Variants in GPC5 observed in about 807,000 individuals in gnomAD.
GPC5 encodes the protein glypican-5.
GPC5 carries 47 observed loss-of-function variants against 53.9 expected under a neutral mutation model. That is an observed-to-expected ratio of 0.87 (90% CI 0.69 to 1.11). The LOEUF (loss-of-function observed/expected upper bound fraction) is 1.11, where lower values mean the gene tolerates loss of function less well. Among genes scored for constraint, GPC5 ranks in the 50% most tolerant of loss-of-function variants. GPC5 has a pLI of 0.00. For synonymous variants in GPC5, 286 were observed against 263.3 expected, an observed-to-expected ratio of 1.09 and a Z score of -0.84; for missense variants, 748 against 713.1, an observed-to-expected ratio of 1.05 and a Z score of -0.56.
chr13:92,230,696 T>C (rs1430133304), intron 7 of GPC5, among the ~76,000 whole-genome samples: 2 of 152,076 alleles, frequency 1.3e-5, no homozygotes, highest in Non-Finnish European at 2.9e-5. Context: ...TAATCAGAAA[T>C]AGATTTAAAA....
chr13:92,495,838 G>A (rs1445302463), intron 7 of GPC5, among the ~76,000 whole-genome samples: 2 of 151,818 alleles, frequency 1.3e-5, no homozygotes, highest in African/African-American at 4.8e-5. Flanking sequence ...GTAAACCCCA[G>A]CCTCTCATTT....
chr13:92,796,818 T>C (rs1258759814), intron 7 of GPC5, among the ~76,000 whole-genome samples: 2 of 152,020 alleles, frequency 1.3e-5, no homozygotes, highest in African/African-American at 4.8e-5. Flanking sequence ...TTAAATATGT[T>C]GGTTTTCTTT....
At chr13:92,156,366 A>G (rs1001371976) in intron 7 of GPC5, among the ~76,000 whole-genome samples, 1 of 152,170 alleles carries the variant, frequency 6.6e-6, no homozygotes, top group Non-Finnish European at 1.5e-5. Flanking sequence ...GTGTGGGCAT[A>G]AATGTTCACA....
chr13:91,763,984 G>A (rs1341955965), intron 5 of GPC5, among the ~76,000 whole-genome samples: 1 of 152,140 alleles, frequency 6.6e-6, no homozygotes, highest in Admixed American at 6.6e-5. Flanking sequence ...TAAATGCTGT[G>A]TAAATAGTTG....
intron 7 of GPC5, among the ~76,000 whole-genome samples, chr13:92,458,302 T>TG (rs558814404): frequency 0.059 from 5,681 of 96,450 alleles, 120 homozygotes; most frequent in Middle Eastern, 0.14. Context: ...TATTCTTTTT[T>TG]TGGGGGGGGC....
At chr13:91,813,706 C>T (rs935513618) in intron 5 of GPC5, among the ~76,000 whole-genome samples, 1 of 152,038 alleles carries the variant, frequency 6.6e-6, no homozygotes, top group African/African-American at 2.4e-5. Context: ...AAATTTCTCC[C>T]AGTATCTACT....
chr13:91,498,567 T>A (rs543065975), intron 2 of GPC5, among the ~76,000 whole-genome samples: 1 of 152,152 alleles, frequency 6.6e-6, no homozygotes, highest in Admixed American at 6.5e-5. Context: ...AGAAATGTAG[T>A]AGGTTGGGGA....
intron 7 of GPC5, among the ~76,000 whole-genome samples, chr13:92,701,690 T>C (rs1192268493): frequency 1.3e-5 from 2 of 151,950 alleles, no homozygotes. Flanking sequence ...GCAATATCTA[T>C]AGAGGCCATT....
chr13:92,163,663 A>C (rs1055370910), intron 7 of GPC5, among the ~76,000 whole-genome samples: 2 of 152,182 alleles, frequency 1.3e-5, no homozygotes, highest in Admixed American at 6.5e-5. Flanking sequence ...TACTGTTCCT[A>C]GATGTAGCTT....
rs536661112 is a variant in GPC5, at chr13:92,414,077, A to G, written c.1561+269088A>G. On this transcript the variant is annotated intron_variant, in intron 7 of 7. Transcript: ENST00000377067. ...TTCATTAATTCAAAAATATTTCTTG[A>G]GTGCTTTTTATTAGGTCAGATGCTT... Among the ~76,000 whole-genome samples, 11 of 152,266 alleles carry G rather than the reference A, an allele frequency of 7.2e-5. No individual in the cohort carries two copies. The East Asian group carries it at 2.1e-3, about 29-fold the overall frequency.
At chr13:92,654,197 A>C in intron 7 of GPC5, among the ~76,000 whole-genome samples, 1 of 152,220 alleles carries the variant, frequency 6.6e-6, no homozygotes, top group East Asian at 1.9e-4. Flanking sequence ...GAATACCCTT[A>C]AAATGTTTAA....
At chr13:91,953,379 C>G (rs538568637) in intron 6 of GPC5, among the ~76,000 whole-genome samples, 6 of 152,182 alleles carry the variant, frequency 3.9e-5, no homozygotes, top group African/African-American at 1.4e-4. Context: ...TAAACTGATT[C>G]TTGCTGTGGG....
chr13:92,862,618 T>TAGAC (rs779072093), intron 7 of GPC5, among the ~76,000 whole-genome samples: 2 of 139,776 alleles, frequency 1.4e-5, no homozygotes, highest in Non-Finnish European at 3.1e-5. Context: ...CTAGTGGAGA[T>TAGAC]AGATAGACAG....
At chr13:91,506,988 G>C (rs1884979023) in intron 2 of GPC5, among the ~76,000 whole-genome samples, 1 of 152,042 alleles carries the variant, frequency 6.6e-6, no homozygotes, top group African/African-American at 2.4e-5. Context: ...AAGTAACCAT[G>C]GTTAGTATTT....
intron 7 of GPC5, among the ~76,000 whole-genome samples, chr13:92,596,052 T>A (rs1489721137): frequency 6.6e-6 from 1 of 152,188 alleles, no homozygotes. Flanking sequence ...TATACATGCA[T>A]TCTCATTCAG....
At chr13:92,358,442 C>G (rs1367968919) in intron 7 of GPC5, among the ~76,000 whole-genome samples, 8 of 151,712 alleles carry the variant, frequency 5.3e-5, no homozygotes, top group Admixed American at 1.3e-4. Flanking sequence ...GACAGTGGCC[C>G]TCTTCTCACA....
intron 5 of GPC5, among the ~76,000 whole-genome samples, chr13:91,903,113 A>G (rs1487715631): frequency 2.6e-5 from 4 of 151,786 alleles, no homozygotes; most frequent in East Asian, 1.9e-4. Flanking sequence ...TCTAGACACT[A>G]TCTCATAGGG....
At chr13:92,512,428 T>C (rs1190104106) in intron 7 of GPC5, among the ~76,000 whole-genome samples, 2 of 152,154 alleles carry the variant, frequency 1.3e-5, no homozygotes, top group Non-Finnish European at 2.9e-5. Context: ...ATTTTAAGGA[T>C]AGTATGTGTG....
Position 92,530,097 on chromosome 13 carries a change from A to T in GPC5, c.1562-336185A>T, listed in dbSNP as rs539074975. 3.2e-4 allele frequency among the ~76,000 whole-genome samples: 49 copies of T among 152,306 alleles called. 2 individuals carry two copies. Among genetic ancestry groups the T allele is most frequent in the Admixed American group, 2.4e-3 (36 of 15,306 alleles). On this transcript the variant is annotated intron_variant, in intron 7 of 7. Coordinates refer to ENST00000377067, the MANE Select transcript of GPC5 (RefSeq NM_004466.6). ...AACCCTGTCTCACAACAAAAAACCC[A>T]GAACAAAACAACAAAATAATAATAT...
Sources: allele counts gnomAD v4.1 joint callset (sites outside exome capture counted in the v4.1 genomes callset), GRCh38; gene constraint gnomAD v4.1.1; transcripts MANE v1.5; gene names NCBI Gene and HGNC (gene_info 2026-07-23, HGNC 2026-07-21).